The following OPCML variants were observed in gnomAD, a reference collection of about 807,000 sequenced individuals.
The protein encoded by OPCML is opioid-binding protein/cell adhesion molecule.
A neutral mutation model predicts 37.8 loss-of-function variants in OPCML; 13 were observed. That is an observed-to-expected ratio of 0.34 (90% confidence interval 0.22 to 0.55). The LOEUF is 0.55. Ranked by LOEUF, OPCML falls within the 20% of genes least tolerant of loss-of-function variation. OPCML has a pLI of 0.91. For synonymous variants in OPCML, 176 were observed against 168.8 expected, an observed-to-expected ratio of 1.04 and a Z score of -0.33; for missense variants, 341 against 435.6, an observed-to-expected ratio of 0.78 and a Z score of 1.93.
intron 2 of OPCML, among the ~76,000 whole-genome samples, chr11:132,764,240 C>T (rs975206406): frequency 6.6e-6 from 1 of 152,172 alleles, no homozygotes; most frequent in African/African-American, 2.4e-5. Context: ...TCAGGGCTGG[C>T]CAGAAAGTGG....
intron 1 of OPCML, among the ~76,000 whole-genome samples, chr11:133,226,326 C>T (rs1409752220): frequency 6.6e-6 from 1 of 152,206 alleles, no homozygotes; most frequent in African/African-American, 2.4e-5. Flanking sequence ...CTAAAAATGC[C>T]GTGATTCGTA....
At position 132,726,195 on chromosome 11, in the gene OPCML, T is replaced by C. The variant is rs537870826; in HGVS notation, c.147-68876A>G. 2.0e-5 allele frequency among the ~76,000 whole-genome samples: 3 copies of C among 152,312 alleles called. No individual in the cohort carries two copies. The East Asian group carries it at 5.8e-4, about 29-fold the overall frequency. ...CTGCTGATAAAGACAGACATGAGAC[T>C]GGGCAATTTACAAAAGGAAGAGTTT... is the stretch of plus-strand genomic sequence containing the variant. On this transcript the variant is annotated intron_variant, in intron 2 of 7. Transcript: ENST00000524381.
intron 4 of OPCML, among the ~76,000 whole-genome samples, chr11:132,524,945 G>A (rs1489569510): frequency 6.6e-6 from 1 of 152,182 alleles, no homozygotes; most frequent in Non-Finnish European, 1.5e-5. Context: ...AAACATCAAT[G>A]ATGGGAGTAT....
chr11:133,007,116 T>C, intron 1 of OPCML: 21 of 985,456 alleles, frequency 2.1e-5, no homozygotes, highest in Non-Finnish European at 2.5e-5. Context: ...CCTAGAGCTT[T>C]ATTTTCCCCA....
chr11:132,772,055 G>A (rs544304152), intron 2 of OPCML: 3 of 152,334 alleles, frequency 2.0e-5, no homozygotes, highest in Non-Finnish European at 4.4e-5. Context: ...TAGGGTAAAT[G>A]CCATCTTCTG....
chr11:132,613,248 AG>A (rs1340133673), intron 3 of OPCML, among the ~76,000 whole-genome samples: 1 of 152,228 alleles, frequency 6.6e-6, no homozygotes, highest in Non-Finnish European at 1.5e-5. Context: ...CTAACAAAAA[AG>A]CTACGTCTTG....
chr11:133,510,886 TACAC>T (rs918183059), intron 1 of OPCML, among the ~76,000 whole-genome samples: 3 of 145,290 alleles, frequency 2.1e-5, no homozygotes, highest in Non-Finnish European at 4.5e-5. Flanking sequence ...GCCAGCCACA[TACAC>T]ACACACACAC....
At chr11:132,705,417 C>T (rs116150480) in intron 2 of OPCML, among the ~76,000 whole-genome samples, 2,575 of 151,854 alleles carry the variant, frequency 0.017, 63 homozygotes, top group African/African-American at 0.058. Context: ...ATGGCAAAAC[C>T]CCATGACTAC....
intron 3 of OPCML, among the ~76,000 whole-genome samples, chr11:132,647,609 T>C (rs916831319): frequency 6.6e-6 from 1 of 152,144 alleles, no homozygotes; most frequent in African/African-American, 2.4e-5. Flanking sequence ...GAAAATATAT[T>C]TACTGTTCAT....
At chr11:132,450,704 G>T (rs569181903) in intron 4 of OPCML, among the ~76,000 whole-genome samples, 27 of 152,056 alleles carry the variant, frequency 1.8e-4, no homozygotes, top group Non-Finnish European at 2.8e-4. Context: ...TGTTATAAAT[G>T]CATGGCAGTA....
At position 132,672,906 on chromosome 11, in the gene OPCML, T is replaced by A. The variant is rs184568446; in HGVS notation, c.147-15587A>T. On this transcript the variant is annotated intron_variant, in intron 2 of 7. Coordinates refer to ENST00000524381, the MANE Select transcript of OPCML (RefSeq NM_001012393.5). ...AAAACCATCACTGATTGTTGTAATA[T>A]CACCTTCATTCCAGGGTAAATGAAC... 9.7e-4 allele frequency among the ~76,000 whole-genome samples: 148 copies of A among 152,304 alleles called. 1 individual carries two copies. The highest frequency in any genetic ancestry group is 3.5e-4 in the Non-Finnish European group (24 of 68,022).
intron 1 of OPCML, among the ~76,000 whole-genome samples, chr11:133,469,155 C>A (rs1487956239): frequency 6.6e-6 from 1 of 152,184 alleles, no homozygotes; most frequent in African/African-American, 2.4e-5. Context: ...TATCTTTATA[C>A]TCCCTTTCTA....
intron 4 of OPCML, among the ~76,000 whole-genome samples, chr11:132,493,714 G>T (rs1303933340): frequency 2.0e-5 from 3 of 152,194 alleles, no homozygotes; most frequent in African/African-American, 7.2e-5. Flanking sequence ...ATTTTGAAGA[G>T]CCTTTCCGTT....
intron 3 of OPCML, among the ~76,000 whole-genome samples, chr11:132,535,381 C>A (rs2096337854): frequency 1.3e-5 from 2 of 152,118 alleles, no homozygotes; most frequent in South Asian, 4.1e-4. Flanking sequence ...AGGACATCAG[C>A]ACCATGTCCT....
intron 1 of OPCML, among the ~76,000 whole-genome samples, chr11:133,171,271 A>T (rs1163548958): frequency 6.6e-6 from 1 of 152,168 alleles, no homozygotes; most frequent in Non-Finnish European, 1.5e-5. Flanking sequence ...GTCTTCCATT[A>T]TCTCACCAGA....
At chr11:132,765,941 A>G (rs181170694) in intron 2 of OPCML, among the ~76,000 whole-genome samples, 3 of 152,296 alleles carry the variant, frequency 2.0e-5, no homozygotes, top group South Asian at 4.1e-4. Context: ...GAGAAAGAAA[A>G]TGTGCAAAAA....
At chr11:132,604,875 G>A (rs533945077) in intron 3 of OPCML, among the ~76,000 whole-genome samples, 4 of 152,276 alleles carry the variant, frequency 2.6e-5, no homozygotes, top group African/African-American at 9.6e-5. Flanking sequence ...AGACCAAAAT[G>A]TAAGCATACA....
At chr11:132,498,321 G>GT (rs1327104185) in intron 4 of OPCML, among the ~76,000 whole-genome samples, 3 of 152,276 alleles carry the variant, frequency 2.0e-5, no homozygotes, top group South Asian at 4.1e-4. Flanking sequence ...TTGGTCATCT[G>GT]TTTTTTCTTG....
chr11:132,890,856 C>CAA (rs57246769), intron 2 of OPCML, among the ~76,000 whole-genome samples: 14 of 46,374 alleles, frequency 3.0e-4, no homozygotes, highest in Admixed American at 2.4e-3. Context: ...GACTCCATCT[C>CAA]AAAAAAAAAA....
Sources: gnomAD v4.1 joint callset for allele counts (sites outside exome capture counted in the v4.1 genomes callset) on GRCh38, gnomAD v4.1.1 for gene constraint, MANE v1.5 for transcripts, NCBI Gene and HGNC (gene_info 2026-07-23, HGNC 2026-07-21) for gene names.